Variants in RAB40B observed in about 807,000 individuals in gnomAD.
The protein encoded by RAB40B is ras-related protein Rab-40B.
RAB40B carries 21 observed loss-of-function variants against 24.0 expected under a neutral mutation model. The ratio of observed to expected loss-of-function variants is 0.88; its 90% confidence interval spans 0.62 to 1.26. The LOEUF is 1.26. Among genes scored for constraint, RAB40B ranks in the 50% most tolerant of loss-of-function variants. RAB40B has a pLI of 0.00. For synonymous variants in RAB40B, 167 were observed against 169.8 expected (o/e 0.98, Z 0.13); for missense variants, 348 against 390.5 (o/e 0.89, Z 0.92).
At chr17:82,690,307 G>C (rs1226342811) in intron 1 of RAB40B, among the ~76,000 whole-genome samples, 1 of 151,434 alleles carries the variant, frequency 6.6e-6, no homozygotes, top group South Asian at 2.1e-4. Context: ...GAATTGGAGG[G>C]AGACGGAGTG....
At position 82,655,825 on chromosome 17, in the gene RAB40B, G is replaced by A. The variant is rs1220756096; in HGVS notation, c.*2038C>T. 2 of 152,320 alleles carry A rather than the reference G, an allele frequency of 1.3e-5. No homozygotes were observed. Among genetic ancestry groups the A allele is most frequent in the Non-Finnish European group, 2.9e-5 (2 of 68,154 alleles). 9.4% of individuals were successfully genotyped at this position (152,320 alleles called of 1,614,324 possible). A position where few individuals can be genotyped will look rare whatever the true frequency, so the allele number is the denominator to read the frequency against. ...TTTGTCCCCGTGGCTGCCGTGCCCAGGTGGCCAGACACCCCCAAGCCTGGG... is the reference window on the plus strand; with the variant it reads ...TTTGTCCCCGTGGCTGCCGTGCCCAAGTGGCCAGACACCCCCAAGCCTGGG... On this transcript the variant is annotated 3_prime_UTR_variant, in exon 6 of 6. Transcript: ENST00000571995.
At chr17:82,684,098 G>C (rs578032958) in intron 1 of RAB40B, among the ~76,000 whole-genome samples, 1 of 151,632 alleles carries the variant, frequency 6.6e-6, no homozygotes, top group African/African-American at 2.4e-5. Flanking sequence ...GCAGGCACCT[G>C]TAATCCCAGC....
rs1189863926 is a variant in RAB40B at position 82,697,575 on chromosome 17, G to A, written c.142+880C>T. On this transcript the variant is annotated intron_variant, in intron 1 of 5. Transcript: ENST00000571995. The surrounding 1 kb of genome is among the most constrained non-coding windows in gnomAD (Gnocchi z 4.9). ...AGGCTGGGCTCCTTCCACAGCCTCA[G>A]GGTCGGCCTCGTCCAAGCTGTTCCA... Among the ~76,000 whole-genome samples, 1 of 152,224 alleles carries A rather than the reference G, an allele frequency of 6.6e-6. No homozygotes were observed. The highest frequency in any genetic ancestry group is 2.4e-5 in the African/African-American group (1 of 41,458).
intron 1 of RAB40B, among the ~76,000 whole-genome samples, chr17:82,683,805 C>CAA (rs35145848): frequency 1.1e-5 from 1 of 90,800 alleles, no homozygotes; most frequent in Non-Finnish European, 2.2e-5. Context: ...ACCCTGTTTC[C>CAA]AAAAAAAAAA....
At chr17:82,668,764 C>T (rs1426412730) in intron 1 of RAB40B, among the ~76,000 whole-genome samples, 1 of 152,242 alleles carries the variant, frequency 6.6e-6, no homozygotes, top group Non-Finnish European at 1.5e-5. Flanking sequence ...GAGACGCCCG[C>T]GTCTAGAGCT....
intron 1 of RAB40B, among the ~76,000 whole-genome samples, chr17:82,665,791 C>T (rs1165807809): frequency 5.3e-5 from 8 of 150,982 alleles, no homozygotes; most frequent in African/African-American, 1.7e-4. Flanking sequence ...TGCTTGAACC[C>T]GGGAGGCGGA....
rs1289576325 is a variant in RAB40B at position 82,697,218 on chromosome 17, C to T, written c.142+1237G>A. On this transcript the variant is annotated intron_variant, in intron 1 of 5. Coordinates refer to ENST00000571995, the MANE Select transcript of RAB40B (RefSeq NM_006822.3). This position sits in a 1 kb window ranked among gnomAD's most constrained non-coding sequence, Gnocchi z 4.9. ...GTGTGGCCGGGCACCTGAGTCCCAC[C>T]CCACGCTCCACAGTCTCAGGCCACC... Among the ~76,000 whole-genome samples the T allele has an allele frequency of 6.6e-6, 1 of 152,154 alleles. No homozygotes were observed. Among genetic ancestry groups the T allele is most frequent in the East Asian group, 1.9e-4 (1 of 5,190 alleles).
intron 1 of RAB40B, among the ~76,000 whole-genome samples, chr17:82,679,179 C>A (rs1268806740): frequency 5.3e-5 from 8 of 151,794 alleles, no homozygotes; most frequent in Non-Finnish European, 1.0e-4. Flanking sequence ...CACTGAGCAG[C>A]TCCCTTTCTG....
intron 1 of RAB40B, among the ~76,000 whole-genome samples, chr17:82,677,567 G>A (rs1431874659): frequency 1.3e-5 from 2 of 152,182 alleles, no homozygotes; most frequent in Non-Finnish European, 2.9e-5. Flanking sequence ...CATCAGCCCT[G>A]ACGCCGCGTC....
rs1012070053 is a variant in RAB40B at position 82,698,665 on chromosome 17, C to G, written c.-69G>C. The G allele has an allele frequency of 1.9e-5, 22 of 1,131,476 alleles. No homozygotes were observed. Among genetic ancestry groups the G allele is most frequent in the Non-Finnish European group, 2.3e-5 (21 of 913,152 alleles). The allele number at this position is 1,131,476 out of a possible 1,614,324, so 70.1% of individuals were successfully genotyped here. On this transcript the variant is annotated 5_prime_UTR_variant, in exon 1 of 6. Transcript: ENST00000571995. ...GAGCGCAGAGGCGGCGGCCCGGCCC[C>G]GAGAGGCGCCGCGCGGGCCCCGAGT...
chr17:82,670,247 G>A (rs149304874), intron 1 of RAB40B, among the ~76,000 whole-genome samples: 77 of 143,704 alleles, frequency 5.4e-4, no homozygotes, highest in Middle Eastern at 3.9e-3. Flanking sequence ...GTGCAGTGAC[G>A]TGATCTCGCT....
chr17:82,669,240 C>G (rs1168881661), intron 1 of RAB40B, among the ~76,000 whole-genome samples: 1 of 152,110 alleles, frequency 6.6e-6, no homozygotes. Flanking sequence ...CTTTGGGAGG[C>G]CGAGCGGGGT....
chr17:82,661,230 C>T, intron 2 of RAB40B, 183 bp from the exon 3 acceptor site: 19 of 1,371,706 alleles, frequency 1.4e-5, no homozygotes, highest in Non-Finnish European at 1.7e-5. Context: ...TTGGGATGTC[C>T]TCCCAGGCTC....
rs3751910 is a variant in RAB40B at position 82,657,741 on chromosome 17, G to A, written c.*122C>T. The stretch of plus-strand genomic sequence containing the variant: ...GTGTTTCCATCACACGGAAGGCGTC[G>A]CACACATTCGCAAGCAGCATTCGCC... On this transcript the variant is annotated 3_prime_UTR_variant, in exon 6 of 6. Coordinates refer to ENST00000571995, the MANE Select transcript of RAB40B (RefSeq NM_006822.3). 65 of 1,176,380 alleles carry A rather than the reference G, an allele frequency of 5.5e-5. No homozygotes were observed. The East Asian group carries it at 9.6e-4, about 17-fold the overall frequency. The allele number at this position is 1,176,380 out of a possible 1,614,324, so 72.9% of individuals were successfully genotyped here.
rs150608118 is a variant in RAB40B at position 82,657,989 on chromosome 17, G to A, written c.711C>T (p.His237=). The A allele has an allele frequency of 2.7e-4, 436 of 1,614,176 alleles. No individual in the cohort carries two copies. Among genetic ancestry groups the A allele is most frequent in the African/African-American group, 6.5e-4 (49 of 75,044 alleles). ...MANGLNARMM[H]GGSYSLTTSS... ...TGGTGGTGAGGGAGTAGGAACCGCC[G>A]TGCATCATCCTGGCATTCAGGCCGT... The change falls in exon 6 of 6, where the codon CAC becomes CAT. Residue 237 remains histidine (H), a synonymous_variant. Coordinates refer to ENST00000571995, the MANE Select transcript of RAB40B (RefSeq NM_006822.3).
At position 82,657,733 on chromosome 17, in the gene RAB40B, A is replaced by AAGGC; in HGVS notation, c.*126_*129dup. ...GGGGTAGTGTGTTTCCATCACACGG[A>AAGGC]AGGCGTCGCACACATTCGCAAGCAG... On this transcript the variant is annotated 3_prime_UTR_variant, in exon 6 of 6. Transcript: ENST00000571995. 1 of 1,090,722 alleles carries AAGGC rather than the reference A, an allele frequency of 9.2e-7. No individual in the cohort carries two copies. The highest frequency in any genetic ancestry group is 1.2e-5 in the South Asian group (1 of 80,280). 67.6% of individuals were successfully genotyped at this position (1,090,722 alleles called of 1,614,324 possible).
chr17:82,682,505 T>C (rs2046457328), intron 1 of RAB40B, among the ~76,000 whole-genome samples: 2 of 152,214 alleles, frequency 1.3e-5, no homozygotes, highest in Admixed American at 1.3e-4. Flanking sequence ...TCTATAGTTT[T>C]AGTCCCAATC....
At position 82,663,590 on chromosome 17, in the gene RAB40B, T is replaced by A. The variant is rs1417006753; in HGVS notation, c.203+906A>T. ...GGTGAGGAGCTGGGGTTCTCACAGC[T>A]GAGAGAGCAGAGCCAGCAGCCCCAG... is the stretch of plus-strand genomic sequence containing the variant. On this transcript the variant is annotated intron_variant, in intron 2 of 5. Transcript: ENST00000571995. The surrounding 1 kb of genome is among the most constrained non-coding windows in gnomAD (Gnocchi z 6.2). Among the ~76,000 whole-genome samples the A allele has an allele frequency of 1.3e-5, 2 of 151,510 alleles. No individual in the cohort carries two copies. Among genetic ancestry groups the A allele is most frequent in the African/African-American group, 4.9e-5 (2 of 41,200 alleles).
rs145027264 is a variant in RAB40B, at chr17:82,692,571, C to A, written c.142+5884G>T. On this transcript the variant is annotated intron_variant, in intron 1 of 5. Coordinates refer to ENST00000571995, the MANE Select transcript of RAB40B (RefSeq NM_006822.3). The surrounding 1 kb of genome is among the most constrained non-coding windows in gnomAD (Gnocchi z 4.0). ...ACAGGCGGGCTCTCAGCTGGGACAA[C>A]GGTGGCCGTGCGATGCGGGGTGGGG... Among the ~76,000 whole-genome samples the A allele has an allele frequency of 4.1e-5, 6 of 144,896 alleles. No individual in the cohort carries two copies. The East Asian group carries it at 1.3e-3, about 32-fold the overall frequency.
Sources: allele counts gnomAD v4.1 joint callset (sites outside exome capture counted in the v4.1 genomes callset), GRCh38; gene constraint gnomAD v4.1.1; non-coding constraint Gnocchi (gnomAD v3.1); transcripts MANE v1.5; gene names NCBI Gene and HGNC (gene_info 2026-07-23, HGNC 2026-07-21).